DIAPH3: variants seen among roughly 807,000 people sequenced by gnomAD.
DIAPH3 encodes the protein diaphanous related formin 3.
DIAPH3 carries 117 observed loss-of-function variants against 144.3 expected under a neutral mutation model. The observed-to-expected ratio is 0.81, with a 90% CI of 0.70 to 0.95. The LOEUF is 0.95. Among genes scored for constraint, DIAPH3 ranks in the 40% least tolerant of loss-of-function variants. DIAPH3 has a pLI of 0.00. For missense variants in DIAPH3, 1,421 were observed against 1,412.7 expected (o/e 1.01, Z -0.09); for synonymous variants, 519 against 488.9 (o/e 1.06, Z -0.81).
chr13:59,791,738 C>T (rs1566314313), intron 25 of DIAPH3, among the ~76,000 whole-genome samples: 4 of 152,136 alleles, frequency 2.6e-5, no homozygotes, highest in South Asian at 4.1e-4. Context: ...AGCACAAGCT[C>T]GTTTCCCCAA....
intron 4 of DIAPH3, among the ~76,000 whole-genome samples, chr13:60,059,959 G>A (rs2056702835): frequency 6.6e-6 from 1 of 152,008 alleles, no homozygotes. Context: ...TTTAAAATTA[G>A]GCAATTTGTT....
intron 27 of DIAPH3, among the ~76,000 whole-genome samples, chr13:59,708,283 T>C (rs1389814271): frequency 6.6e-6 from 1 of 152,130 alleles, no homozygotes; most frequent in Non-Finnish European, 1.5e-5. Flanking sequence ...CAGGCTAGTC[T>C]TGAACCTCCA....
intron 23 of DIAPH3, among the ~76,000 whole-genome samples, chr13:59,836,448 C>T (rs1013422903): frequency 6.6e-6 from 1 of 151,660 alleles, no homozygotes; most frequent in African/African-American, 2.4e-5. Context: ...CTAGACTTAG[C>T]AAGTGGGAGG....
At position 59,839,268 on chromosome 13, in the gene DIAPH3, T is replaced by C. The variant is rs541979506; in HGVS notation, c.2862+56A>G. 9.7e-5 allele frequency: 155 copies of C among 1,601,234 alleles called. 1 individual carries two copies. Among genetic ancestry groups the C allele is most frequent in the Middle Eastern group, 3.3e-4 (2 of 6,000 alleles). ...ACACAAAGACATCTAAAATATTAAA[T>C]AAATTGTATCTCTAGTTGACTAGTG... On this transcript the variant is annotated intron_variant, in intron 23 of 27. Coordinates refer to ENST00000400324, the MANE Select transcript of DIAPH3 (RefSeq NM_001042517.2).
intron 27 of DIAPH3, chr13:59,695,385 C>G (rs1316692195): frequency 6.6e-6 from 1 of 152,216 alleles, no homozygotes; most frequent in Non-Finnish European, 1.5e-5. Flanking sequence ...TCTATATTCT[C>G]TCTCTCCTGG....
At chr13:59,974,650 G>A (rs191886554) in intron 14 of DIAPH3, among the ~76,000 whole-genome samples, 194 bp from the exon 15 acceptor site, 103 of 151,750 alleles carry the variant, frequency 6.8e-4, no homozygotes, top group African/African-American at 2.2e-3. Flanking sequence ...AACCAAAATC[G>A]TTCATTCACA....
chr13:59,812,287 T>TCTAC (rs2040526852), intron 24 of DIAPH3, among the ~76,000 whole-genome samples: 1 of 151,428 alleles, frequency 6.6e-6, no homozygotes, highest in South Asian at 2.1e-4. Flanking sequence ...CATCCATCCA[T>TCTAC]CCATCCATCC....
intron 3 of DIAPH3, among the ~76,000 whole-genome samples, chr13:60,099,745 C>G (rs2058212449): frequency 1.3e-5 from 2 of 152,122 alleles, no homozygotes; most frequent in East Asian, 1.9e-4. Context: ...AAATCTATAT[C>G]TAAACAGAAT....
intron 2 of DIAPH3, among the ~76,000 whole-genome samples, chr13:60,128,961 T>C (rs1477020522): frequency 6.6e-6 from 1 of 152,200 alleles, no homozygotes; most frequent in Non-Finnish European, 1.5e-5. Context: ...TATTTCTTAA[T>C]GCAGTATCTA....
chr13:59,883,715 T>A (rs1257627151), intron 20 of DIAPH3, among the ~76,000 whole-genome samples: 1 of 152,114 alleles, frequency 6.6e-6, no homozygotes, highest in Admixed American at 6.5e-5. Context: ...TCCTTACCAC[T>A]CAGAGCATCG....
intron 24 of DIAPH3, among the ~76,000 whole-genome samples, chr13:59,830,463 T>A (rs946398283): frequency 1.3e-5 from 2 of 152,002 alleles, no homozygotes; most frequent in African/African-American, 2.4e-5. Flanking sequence ...TGTTAACAAT[T>A]TTAATTTAGT....
intron 21 of DIAPH3, among the ~76,000 whole-genome samples, chr13:59,868,064 TCATAGTGCCAGTCTATGAAAGCCACTG>T (rs2139980638): frequency 6.6e-6 from 1 of 152,136 alleles, no homozygotes; most frequent in African/African-American, 2.4e-5. Context: ...ACTGGCACTT[TCATAGTGCCAGTCTATGAAAGCCACTG>T]CAGGCATGCG....
chr13:59,779,786 A>G (rs2038637264), intron 25 of DIAPH3, among the ~76,000 whole-genome samples: 1 of 152,188 alleles, frequency 6.6e-6, no homozygotes, highest in African/African-American at 2.4e-5. Flanking sequence ...TGCTGGGATT[A>G]CAGGCATGAG....
intron 20 of DIAPH3, among the ~76,000 whole-genome samples, chr13:59,893,430 C>G (rs955332575): frequency 2.0e-5 from 3 of 152,236 alleles, no homozygotes; most frequent in East Asian, 3.9e-4. Context: ...GGTTAATTAA[C>G]TACATGTTCA....
chr13:60,075,179 A>G (rs2057339541), intron 4 of DIAPH3, among the ~76,000 whole-genome samples: 1 of 152,140 alleles, frequency 6.6e-6, no homozygotes, highest in Non-Finnish European at 1.5e-5. Context: ...TTTAATTTAC[A>G]TATTGAAATT....
At chr13:60,084,301 T>C (rs888678167) in intron 4 of DIAPH3, among the ~76,000 whole-genome samples, 2 of 152,076 alleles carry the variant, frequency 1.3e-5, no homozygotes, top group African/African-American at 4.8e-5. Flanking sequence ...CTACACATCT[T>C]TTTTTGATGT....
At chr13:59,768,999 G>T (rs777638550) in intron 27 of DIAPH3, among the ~76,000 whole-genome samples, 1 of 152,038 alleles carries the variant, frequency 6.6e-6, no homozygotes, top group African/African-American at 2.4e-5. Context: ...ATAGTTTATA[G>T]AATTCTTTCT....
At chr13:59,872,507 T>C in intron 21 of DIAPH3, among the ~76,000 whole-genome samples, 1 of 152,126 alleles carries the variant, frequency 6.6e-6, no homozygotes, top group Non-Finnish European at 1.5e-5. Flanking sequence ...CATCATCCTC[T>C]CCCCTGTCCC....
intron 22 of DIAPH3, among the ~76,000 whole-genome samples, chr13:59,860,308 T>A (rs1289160966): frequency 6.6e-6 from 1 of 152,194 alleles, no homozygotes; most frequent in Non-Finnish European, 1.5e-5. Context: ...AAAGACAATT[T>A]CATATTACTA....
Sources: allele counts gnomAD v4.1 joint callset (sites outside exome capture counted in the v4.1 genomes callset), GRCh38; gene constraint gnomAD v4.1.1; transcripts MANE v1.5; gene names NCBI Gene and HGNC (gene_info 2026-07-23, HGNC 2026-07-21).